The following XPO5 variants were observed in gnomAD, a reference collection of about 807,000 sequenced individuals.
XPO5 encodes the protein exportin 5, also known as exportin-5.
A neutral mutation model predicts 160.6 loss-of-function variants in XPO5; 46 were observed. The observed-to-expected ratio is 0.29, with a 90% confidence interval of 0.23 to 0.37. The LOEUF (loss-of-function observed/expected upper bound fraction) is 0.37, where lower values mean the gene tolerates loss of function less well. Ranked by LOEUF, XPO5 falls within the 10% of genes least tolerant of loss-of-function variation. The pLI is 1.00. For missense variants in XPO5, 1,090 were observed against 1,463.9 expected, an observed-to-expected ratio of 0.74 and a Z score of 4.17; for synonymous variants, 537 against 519.3, an observed-to-expected ratio of 1.03 and a Z score of -0.46.
intron 13 of XPO5, chr6:43,555,583 C>A: frequency 3.4e-6 from 1 of 291,858 alleles, no homozygotes; most frequent in East Asian, 6.1e-5. Flanking sequence ...TTGGTTGATT[C>A]TGTTAGAAAT....
intron 7 of XPO5, among the ~76,000 whole-genome samples, chr6:43,566,364 A>G (rs1762695624): frequency 6.6e-6 from 1 of 152,170 alleles, no homozygotes; most frequent in Admixed American, 6.5e-5. Flanking sequence ...ACTGCACTCC[A>G]GCCTAGACAA....
At chr6:43,548,522 C>A (rs879525102) in intron 17 of XPO5, 62 bp from the exon 18 acceptor site, 26 of 1,386,734 alleles carry the variant, frequency 1.9e-5, no homozygotes, top group Middle Eastern at 1.9e-4. Context: ...GGAGAGGTGG[C>A]TTACTCAAGG....
In XPO5 at chr6:43,530,839, AAAAG is replaced by A; in HGVS notation, c.2541-19_2541-16del. On this transcript the variant is annotated splice_polypyrimidine_tract_variant and intron_variant, in intron 22 of 31. Coordinates refer to ENST00000265351, the MANE Select transcript of XPO5 (RefSeq NM_020750.3). ...GGATATGAAAACTGTAAAGGGGAAA[AAAAG>A]AGCATTGAAAATGACAAATCCAACA... The A allele has an allele frequency of 6.2e-7, 1 of 1,601,562 alleles. No individual in the cohort carries two copies. Among genetic ancestry groups the A allele is most frequent in the Non-Finnish European group, 8.5e-7 (1 of 1,174,744 alleles).
At position 43,570,597 on chromosome 6, in the gene XPO5, T is replaced by C; in HGVS notation, c.526A>G (p.Arg176Gly). 1.2e-6 allele frequency: 2 copies of C among 1,613,922 alleles called. No individual in the cohort carries two copies. ...TFQTLPPQRR[R>G]DIQQTLTQNM... ...TGGGTTAATGTTTGCTGGATGTCCC[T>C]TCTTCTTTGAGGGGGAAGTGTCTGA... is the stretch of plus-strand genomic sequence containing the variant. Residue 176 changes from arginine to glycine, a missense_variant, in exon 5 of 32, where the codon AGG becomes GGG. This residue lies in a region of XPO5 where 170 missense variants were observed against 227.0 expected (regional missense o/e 0.75). Coordinates refer to ENST00000265351, the MANE Select transcript of XPO5 (RefSeq NM_020750.3).
chr6:43,572,001 T>G (rs1174280613), intron 3 of XPO5, among the ~76,000 whole-genome samples: 2 of 152,354 alleles, frequency 1.3e-5, no homozygotes, highest in South Asian at 4.1e-4. Context: ...CTTTATAATT[T>G]AAAAAATAGA....
At chr6:43,549,171 C>A (rs1795109356) in intron 17 of XPO5, among the ~76,000 whole-genome samples, 1 of 152,142 alleles carries the variant, frequency 6.6e-6, no homozygotes, top group African/African-American at 2.4e-5. Flanking sequence ...AAGTGATTCT[C>A]CTGCCTCAGC....
chr6:43,567,305 C>T lies in XPO5; in HGVS notation c.698G>A (p.Gly233Asp). Residue 233 changes from glycine to aspartate, a missense_variant, in exon 7 of 32, where the codon GGC becomes GAC. By Grantham distance (94) the Gly-to-Asp change is moderately conservative. Around this residue, in one of 3 missense-constraint regions of XPO5, gnomAD observed 110 missense variants for 97.9 expected, o/e 1.12. Transcript: ENST00000265351. ...ACTCATAGACACCCAGTCAATATAG[C>T]CTGCTAGAGTATTCAGTGCTGCAAC... ...VGVAALNTLA[G>D]YIDWVSMSHI... The T allele has an allele frequency of 6.2e-7, 1 of 1,613,704 alleles. No homozygotes were observed.
intron 20 of XPO5, among the ~76,000 whole-genome samples, chr6:43,534,736 GC>G (rs1459015009): frequency 6.6e-6 from 1 of 152,160 alleles, no homozygotes; most frequent in African/African-American, 2.4e-5. Context: ...GGTGGCTCAC[GC>G]CTATAATCCC....
At chr6:43,573,383 CT>C in intron 2 of XPO5, 96 bp downstream of exon 2, 1 of 1,476,014 alleles carries the variant, frequency 6.8e-7, no homozygotes, top group Non-Finnish European at 9.2e-7. Flanking sequence ...TTGGAGATTG[CT>C]CTTCTCTACT....
At chr6:43,566,898 A>G (rs1762726941) in intron 7 of XPO5, among the ~76,000 whole-genome samples, 1 of 152,038 alleles carries the variant, frequency 6.6e-6, no homozygotes, top group African/African-American at 2.4e-5. Flanking sequence ...TGAGCTTTAA[A>G]CTTAAACATT....
intron 8 of XPO5, among the ~76,000 whole-genome samples, chr6:43,565,395 T>C (rs1582242720): frequency 1.3e-5 from 2 of 151,702 alleles, no homozygotes; most frequent in Middle Eastern, 3.2e-3. Flanking sequence ...GGCAAAACCC[T>C]GTCTCTACTA....
At position 43,549,527 on chromosome 6, in the gene XPO5, T is replaced by C. The variant is rs1370816315; in HGVS notation, c.1822A>G (p.Ile608Val). The C allele has an allele frequency of 1.9e-6, 3 of 1,613,252 alleles. No homozygotes were observed. The highest frequency in any genetic ancestry group is 1.7e-5 in the Admixed American group (1 of 59,932). Reference sequence around the variant, plus strand: ...GGGTAGTCACGACACATCTTGATGATGGAGGAACAAGCATGCCTCCTCACA... The same window carrying C: ...GGGTAGTCACGACACATCTTGATGACGGAGGAACAAGCATGCCTCCTCACA... ...RNVRRHACSS[I>V]IKMCRDYPQL... Residue 608 changes from isoleucine (I) to valine (V), a missense_variant, in exon 17 of 32, where the codon ATC becomes GTC. Physicochemically the swap from Ile to Val is conservative, Grantham distance 29. Transcript: ENST00000265351.
Position 43,529,211 on chromosome 6 carries a change from T to A in XPO5, c.2678-286A>T, listed in dbSNP as rs1418692044. ...AAAAATAGGAAGGAGGACATCCTTG[T>A]AACAAACTCTCCTTCACCATTCTCC... On this transcript the variant is annotated intron_variant, in intron 23 of 31. Coordinates refer to ENST00000265351, the MANE Select transcript of XPO5 (RefSeq NM_020750.3). 6.3e-6 allele frequency: 9 copies of A among 1,420,514 alleles called. No homozygotes were observed. The African/African-American group carries it at 1.1e-4, about 18-fold the overall frequency. The allele number at this position is 1,420,514 out of a possible 1,614,324, so 88.0% of individuals were successfully genotyped here. A position where few individuals can be genotyped will look rare whatever the true frequency, so the allele number is the denominator to read the frequency against.
Position 43,548,406 on chromosome 6 carries a change from G to A in XPO5, c.1915C>T (p.Leu639Phe), listed in dbSNP as rs1463092890. 1 of 1,609,762 alleles carries A rather than the reference G, an allele frequency of 6.2e-7. No homozygotes were observed. ...GCACACTTCTCCATTTGTGTCAGGA[G>A]TAGCTCATTGGAGAGGAGTTGCTTC... ...HVKQLLSNEL[L>F]LTQMEKCALM... The change falls in exon 18 of 32, where the codon CTC becomes TTC. Residue 639 changes from leucine to phenylalanine, a missense_variant. Physicochemically the swap from Leu to Phe is conservative, Grantham distance 22 (BLOSUM62 0). This residue lies in a region of XPO5 where 810 missense variants were observed against 1,139.0 expected (regional missense o/e 0.71). Coordinates refer to ENST00000265351, the MANE Select transcript of XPO5 (RefSeq NM_020750.3).
chr6:43,564,924 CTTTT>C (rs577868911), intron 8 of XPO5, among the ~76,000 whole-genome samples: 4 of 136,428 alleles, frequency 2.9e-5, no homozygotes, highest in African/African-American at 2.8e-5. Flanking sequence ...CATTTTCTCT[CTTTT>C]TTTTTTTTTT....
intron 23 of XPO5, among the ~76,000 whole-genome samples, chr6:43,530,252 GT>G (rs1426686676): frequency 6.6e-6 from 1 of 151,410 alleles, no homozygotes; most frequent in South Asian, 2.1e-4. Context: ...GCAAAACTCT[GT>G]CTCAAAAAAT....
chr6:43,540,357 T>C (rs932179749), intron 20 of XPO5, among the ~76,000 whole-genome samples: 2 of 152,216 alleles, frequency 1.3e-5, no homozygotes, highest in Non-Finnish European at 2.9e-5. Context: ...CGGGCACCTG[T>C]AGTCCCAGCT....
chr6:43,562,805 G>A (rs751663974), intron 8 of XPO5, among the ~76,000 whole-genome samples: 24 of 152,180 alleles, frequency 1.6e-4, no homozygotes, highest in African/African-American at 5.5e-4. Flanking sequence ...ACACCACTTA[G>A]TATGAGTGTC....
At chr6:43,558,200 C>T (rs1215565533) in intron 12 of XPO5, among the ~76,000 whole-genome samples, 1 of 151,650 alleles carries the variant, frequency 6.6e-6, no homozygotes, top group South Asian at 2.1e-4. Flanking sequence ...AAAGAAATAA[C>T]CATAAGGTAA....
Sources: gnomAD v4.1 joint callset for allele counts (sites outside exome capture counted in the v4.1 genomes callset) on GRCh38, gnomAD v4.1.1 for gene constraint, gnomAD v4.1.1 regional missense constraint, MANE v1.5 for transcripts, NCBI Gene and HGNC (gene_info 2026-07-23, HGNC 2026-07-21) for gene names.